KLK15: variants seen among roughly 807,000 people sequenced by gnomAD.
KLK15 encodes the protein kallikrein-15.
In KLK15, 19 loss-of-function variants were observed where a neutral mutation model predicts 21.1. The observed-to-expected ratio is 0.90, with a 90% CI of 0.63 to 1.32. KLK15 has a LOEUF of 1.32. Ranked by LOEUF, KLK15 falls within the 40% of genes most tolerant of loss-of-function variation. The pLI is 0.00. For missense variants in KLK15, 345 were observed against 348.6 expected (o/e 0.99, Z 0.08); for synonymous variants, 141 against 141.5 (o/e 1.00, Z 0.03).
intron 2 of KLK15, 101 bp from the exon 4 acceptor site, chr19:50,827,262 G>A (rs1400145909): frequency 2.6e-6 from 3 of 1,139,118 alleles, no homozygotes; most frequent in Non-Finnish European, 2.5e-6. Context: ...GAGGTCTCCC[G>A]ACCCTTTAGA....
At chr19:50,830,346 C>T (rs1321623041) in intron 1 of KLK15, among the ~76,000 whole-genome samples, 1 of 151,830 alleles carries the variant, frequency 6.6e-6, no homozygotes, top group African/African-American at 2.4e-5. Context: ...CAAATGCCCA[C>T]ACTCTCCCCA....
exon 3 of KLK15, chr19:50,827,127 G>T (rs758236941): frequency 6.3e-7 from 1 of 1,599,562 alleles, no homozygotes. Context: ...TCGCGCTTGC[G>T]CAGGTTGTGC....
At position 50,827,669 on chromosome 19, in the gene KLK15, G is replaced by A. The variant is rs1034663883; in HGVS notation, c.190C>T (p.Gln64Ter). The A allele has an allele frequency of 1.9e-6, 3 of 1,610,756 alleles. No homozygotes were observed. Among genetic ancestry groups the A allele is most frequent in the South Asian group, 2.2e-5 (2 of 90,944 alleles). ...GAGCCCCTGCCTTCATACCGGCTTT[G>A]GCAGTGGGCCGCAGACAGCACCCAG... The change falls in exon 2 of 5, where the codon CAA becomes TAA. Residue 64 changes from glutamine (Q) to a stop codon, truncating the protein, a stop_gained. Coordinates refer to ENST00000598239, the Ensembl canonical transcript of KLK15. LOFTEE classifies it high-confidence loss of function.
chr19:50,829,383 G>A (rs950836310), intron 1 of KLK15, among the ~76,000 whole-genome samples: 1 of 151,724 alleles, frequency 6.6e-6, no homozygotes, highest in African/African-American at 2.4e-5. Context: ...AATATTAGTT[G>A]TTTTTTGCAA....
At chr19:50,826,970 C>A in exon 3 of KLK15, 1 of 1,606,138 alleles carries the variant, frequency 6.2e-7, no homozygotes, top group Non-Finnish European at 8.5e-7. Flanking sequence ...GTGGGGGCAA[C>A]GCGTGGGTAG....
chr19:50,827,642 C>G lies in KLK15; in HGVS notation c.197+20G>C, dbSNP rs2739417. ...CCCCGAACCAGGCTCCCTCAGGACC[C>G]TGAGCCCCTGCCTTCATACCGGCTT... is the stretch of plus-strand genomic sequence containing the variant. On this transcript the variant is annotated intron_variant, in intron 2 of 4. Coordinates refer to ENST00000598239, the Ensembl canonical transcript of KLK15. 16 of 1,608,496 alleles carry G rather than the reference C, an allele frequency of 9.9e-6. No individual in the cohort carries two copies. The African/African-American group carries it at 2.0e-4, about 20-fold the overall frequency.
At chr19:50,831,561 C>G, upstream of KLK15, 2 of 1,243,502 alleles carry the variant, frequency 1.6e-6, no homozygotes, top group Non-Finnish European at 2.2e-6. Flanking sequence ...GAGGCAGGAC[C>G]CTTCTGCCTC....
rs376033295 is a variant in KLK15 at position 50,825,768 on chromosome 19, C to G, written c.*28G>C. 6.9e-6 allele frequency: 11 copies of G among 1,604,734 alleles called. No individual in the cohort carries two copies. In the African/African-American group the frequency reaches 1.5e-4, roughly 21 times the overall value. ...CCAGCTGTGGGGGCTTCTGCTCAGT[C>G]AGGGGCACAGGAGATAGGCTAGAAT... is the stretch of plus-strand genomic sequence containing the variant. On this transcript the variant is annotated 3_prime_UTR_variant, in exon 5 of 5. Transcript: ENST00000598239.
At chr19:50,827,012 G>T (rs1229571065) in exon 3 of KLK15, 1 of 1,605,982 alleles carries the variant, frequency 6.2e-7, no homozygotes, top group East Asian at 2.2e-5. Context: ...GTTCAGGCGT[G>T]CGGGCTGGAC....
At chr19:50,829,079 A>AAC (rs1166525642) in intron 1 of KLK15, among the ~76,000 whole-genome samples, 4 of 150,776 alleles carry the variant, frequency 2.7e-5, no homozygotes, top group Non-Finnish European at 4.4e-5. Flanking sequence ...TGCACACACA[A>AAC]ACACACACAC....
At chr19:50,827,594 C>T (rs1025263848) in intron 2 of KLK15, 68 bp downstream of exon 3, 12 of 1,520,180 alleles carry the variant, frequency 7.9e-6, no homozygotes, top group South Asian at 4.6e-5. Flanking sequence ...CCTCCGTCTT[C>T]CCCCAAATCT....
At chr19:50,832,225 C>G (rs1214366169), upstream of KLK15, among the ~76,000 whole-genome samples, 5 of 152,104 alleles carry the variant, frequency 3.3e-5, no homozygotes, top group African/African-American at 1.2e-4. Context: ...ACATCTGGAG[C>G]TGGCTGTGCC....
chr19:50,827,200 G>GC, intron 2 of KLK15, 39 bp from the exon 4 acceptor site: 1 of 1,541,006 alleles, frequency 6.5e-7, no homozygotes, highest in Admixed American at 1.8e-5. Context: ...TGGAGTGCGG[G>GC]CCAGTGGTTA....
exon 3 of KLK15, chr19:50,827,142 C>G (rs552538972): frequency 6.3e-7 from 1 of 1,593,110 alleles, no homozygotes; most frequent in African/African-American, 1.3e-5. Context: ...TTGTGCTCTC[C>G]CAGGCGCACT....
At chr19:50,825,936 C>T in exon 5 of KLK15, 2 of 1,612,800 alleles carry the variant, frequency 1.2e-6, no homozygotes, top group Non-Finnish European at 1.7e-6. Flanking sequence ...ACCAGGGGTC[C>T]CCCAGAGTCA....
chr19:50,831,716 C>T (rs1221808779), upstream of KLK15, among the ~76,000 whole-genome samples: 2 of 152,102 alleles, frequency 1.3e-5, no homozygotes, highest in African/African-American at 2.4e-5. Flanking sequence ...TCTAGGCACT[C>T]GGACAGACCC....
intron 2 of KLK15, 152 bp from the exon 4 acceptor site, chr19:50,827,313 C>T: frequency 2.6e-6 from 2 of 764,982 alleles, no homozygotes; most frequent in Non-Finnish European, 4.1e-6. Context: ...ACCCTGAAGC[C>T]AATGGTTCCA....
chr19:50,830,847 C>T (rs528032058), intron 1 of KLK15, among the ~76,000 whole-genome samples: 8 of 151,920 alleles, frequency 5.3e-5, no homozygotes, highest in African/African-American at 9.7e-5. Context: ...CACACATAGA[C>T]GTTGTATGTA....
upstream of KLK15, among the ~76,000 whole-genome samples, chr19:50,831,890 C>T (rs1393937593): frequency 6.6e-6 from 1 of 151,898 alleles, no homozygotes; most frequent in Admixed American, 6.6e-5. Context: ...CGGCTCACTG[C>T]AAGCTCCACC....
Sources: allele counts gnomAD v4.1 joint callset (sites outside exome capture counted in the v4.1 genomes callset), GRCh38; gene constraint gnomAD v4.1.1; transcripts MANE v1.5; gene names NCBI Gene and HGNC (gene_info 2026-07-23, HGNC 2026-07-21).